Variants in TBX20 observed in about 807,000 individuals in gnomAD.
TBX20 encodes the protein T-box transcription factor TBX20.
A neutral mutation model predicts 42.9 loss-of-function variants in TBX20; 8 were observed. That is an observed-to-expected ratio of 0.19 (90% CI 0.11 to 0.34). The LOEUF (loss-of-function observed/expected upper bound fraction) is 0.34. Ranked by LOEUF, TBX20 falls within the 10% of genes least tolerant of loss-of-function variation. The probability of loss-of-function intolerance (pLI) is 1.00; values close to 1 mark genes in which losing one functional copy is unlikely to be tolerated. For synonymous variants in TBX20, 198 were observed against 222.8 expected (o/e 0.89, Z 0.99); for missense variants, 411 against 566.0 (o/e 0.73, Z 2.78).
chr7:35,204,115 T>C (rs1186993085), intron 7 of TBX20, among the ~76,000 whole-genome samples: 5 of 152,212 alleles, frequency 3.3e-5, no homozygotes, highest in Admixed American at 3.3e-4. Context: ...ACTTTCAGAT[T>C]ATGAAACTGA....
chr7:35,245,319 G>GCTGTGTGTGTGT (rs3219698), intron 3 of TBX20, among the ~76,000 whole-genome samples: 1 of 146,398 alleles, frequency 6.8e-6, no homozygotes, highest in Admixed American at 6.8e-5. Context: ...TGTTTAAAGG[G>GCTGTGTGTGTGT]GTGTGTGTGT....
At position 35,249,397 on chromosome 7, in the gene TBX20, T is replaced by C. The variant is rs1790260688; in HGVS notation, c.380+554A>G. 6.6e-6 allele frequency among the ~76,000 whole-genome samples: 1 copy of C among 152,256 alleles called. No individual in the cohort carries two copies. Among genetic ancestry groups the C allele is most frequent in the African/African-American group, 2.4e-5 (1 of 41,480 alleles). On this transcript the variant is annotated intron_variant, in intron 2 of 7. Transcript: ENST00000408931. This position sits in a 1 kb window ranked among gnomAD's most constrained non-coding sequence, Gnocchi z 4.3. The stretch of plus-strand genomic sequence containing the variant: ...ACCTCCCTGCAGCCCTGCAGCTTCC[T>C]GCCTGGCCAAAGCCCGCCCGGCTCT...
intron 6 of TBX20, among the ~76,000 whole-genome samples, chr7:35,214,544 T>A (rs1433122982): frequency 1.3e-5 from 2 of 152,176 alleles, no homozygotes; most frequent in Admixed American, 6.5e-5. Context: ...GGACCCTAAT[T>A]AATTTACCAG....
Position 35,254,092 on chromosome 7 carries a change from A to AC in TBX20, c.-473dup, listed in dbSNP as rs1488662785. On this transcript the variant is annotated 5_prime_UTR_variant, in exon 1 of 8. Coordinates refer to ENST00000408931, the MANE Select transcript of TBX20 (RefSeq NM_001077653.2). The stretch of plus-strand genomic sequence containing the variant: ...TGGGGAGCGCGGCGCGGAACTACGG[A>AC]CAGTGAGCCCTGGCGCTCGCTGCCC... 2.0e-5 allele frequency: 3 copies of AC among 153,080 alleles called. No homozygotes were observed. The highest frequency in any genetic ancestry group is 7.2e-5 in the African/African-American group (3 of 41,472). 9.5% of individuals were successfully genotyped at this position (153,080 alleles called of 1,614,324 possible).
chr7:35,247,927 A>G (rs1212184001), intron 3 of TBX20, among the ~76,000 whole-genome samples: 1 of 152,188 alleles, frequency 6.6e-6, no homozygotes, highest in Non-Finnish European at 1.5e-5. Context: ...TTTTCCTGTT[A>G]GAACTCTCAT....
intron 3 of TBX20, among the ~76,000 whole-genome samples, chr7:35,248,107 C>T (rs1435409630): frequency 6.6e-6 from 1 of 152,080 alleles, no homozygotes; most frequent in African/African-American, 2.4e-5. Flanking sequence ...TTACATTCAT[C>T]CACTAAAATT....
chr7:35,251,982 G>A (rs1790314015), intron 1 of TBX20, among the ~76,000 whole-genome samples: 1 of 152,152 alleles, frequency 6.6e-6, no homozygotes, highest in South Asian at 2.1e-4. Flanking sequence ...ATGGGGGTAG[G>A]GTTGGAGTTG....
At chr7:35,225,319 A>C (rs1296938301) in intron 6 of TBX20, among the ~76,000 whole-genome samples, 3 of 152,252 alleles carry the variant, frequency 2.0e-5, no homozygotes, top group Admixed American at 1.3e-4. Context: ...CATTAAAAAA[A>C]ATACAAAAAT....
rs1186500397 is a variant in TBX20 at position 35,249,953 on chromosome 7, G to T, written c.378C>A (p.Gly126=). ...LGTEMIITKS[G]RRMFPTIRVS... ...CCCAACCCCCAAGTCCCAACTACCT[G>T]CCCGACTTGGTGATGATCATCTCGG... Residue 126 remains glycine, a splice_region_variant and synonymous_variant, in exon 2 of 8, where the codon GGC becomes GGA. Coordinates refer to ENST00000408931, the MANE Select transcript of TBX20 (RefSeq NM_001077653.2). This position sits in a 1 kb window ranked among gnomAD's most constrained non-coding sequence, Gnocchi z 4.3. The T allele has an allele frequency of 1.9e-6, 3 of 1,600,550 alleles. No individual in the cohort carries two copies. The highest frequency in any genetic ancestry group is 3.4e-5 in the Admixed American group (2 of 59,412).
intron 6 of TBX20, among the ~76,000 whole-genome samples, chr7:35,224,145 G>A (rs1256141328): frequency 6.6e-6 from 1 of 152,116 alleles, no homozygotes. Flanking sequence ...GTGAATTTAT[G>A]GACAAGATTG....
intron 7 of TBX20, among the ~76,000 whole-genome samples, chr7:35,204,077 G>A (rs1163303740): frequency 6.6e-6 from 1 of 152,138 alleles, no homozygotes; most frequent in Admixed American, 6.5e-5. Context: ...AATTATACCT[G>A]ACATAGATGG....
chr7:35,248,607 T>C, intron 3 of TBX20, 70 bp downstream of exon 3: 1 of 1,556,604 alleles, frequency 6.4e-7, no homozygotes, highest in African/African-American at 1.4e-5. Flanking sequence ...TGCTTAAAAT[T>C]CACACAAGCC....
intron 6 of TBX20, among the ~76,000 whole-genome samples, chr7:35,208,742 CAAAAAAAAAAAAAAAAAAAAAAAAAAAA>C (rs766060288): frequency 4.7e-5 from 1 of 21,118 alleles, no homozygotes; most frequent in African/African-American, 2.3e-4. Context: ...AACTCCGTCT[CAAAAAAAAAAAAAAAAAAAAAAAAAAAA>C]AAAAAAAAAA....
At chr7:35,230,334 G>A (rs904106984) in intron 6 of TBX20, among the ~76,000 whole-genome samples, 2 of 152,148 alleles carry the variant, frequency 1.3e-5, no homozygotes, top group Admixed American at 6.5e-5. Context: ...ACTTTGCAAT[G>A]GATTTTCAAT....
chr7:35,249,862 C>G lies in TBX20; in HGVS notation c.380+89G>C, dbSNP rs917424284. The stretch of plus-strand genomic sequence containing the variant: ...GTCTCTCCGCTCCATGACCAGCCAG[C>G]TCTCATCTAGTTCCTGGAAGCACCC... On this transcript the variant is annotated intron_variant, in intron 2 of 7. Transcript: ENST00000408931. The surrounding 1 kb of genome is among the most constrained non-coding windows in gnomAD (Gnocchi z 4.3). The G allele has an allele frequency of 2.2e-5, 32 of 1,438,988 alleles. No individual in the cohort carries two copies. Among genetic ancestry groups the G allele is most frequent in the Admixed American group, 1.1e-4 (5 of 47,342 alleles). The allele number at this position is 1,438,988 out of a possible 1,614,324, so 89.1% of individuals were successfully genotyped here.
chr7:35,230,663 C>T (rs1420360754), intron 6 of TBX20, among the ~76,000 whole-genome samples: 1 of 152,102 alleles, frequency 6.6e-6, no homozygotes, highest in Non-Finnish European at 1.5e-5. Flanking sequence ...ATATAGGTAA[C>T]AAAGAGTGCA....
At chr7:35,238,270 C>T (rs1312511022) in intron 5 of TBX20, among the ~76,000 whole-genome samples, 2 of 152,160 alleles carry the variant, frequency 1.3e-5, no homozygotes, top group Non-Finnish European at 2.9e-5. Flanking sequence ...GTCCCGCCAA[C>T]ACTTACGCAG....
rs1297571991 is a variant in TBX20, at chr7:35,250,069, T to C, written c.262A>G (p.Thr88Ala). 6.2e-7 allele frequency: 1 copy of C among 1,613,728 alleles called. No individual in the cohort carries two copies. Among genetic ancestry groups the C allele is most frequent in the African/African-American group, 1.3e-5 (1 of 74,832 alleles). The change falls in exon 2 of 8, where the codon ACC becomes GCC. Residue 88 changes from threonine (T) to alanine (A), a missense_variant. Physicochemically the swap from Thr to Ala is moderately conservative, Grantham distance 58. Around this residue, in one of 5 missense-constraint regions of TBX20, gnomAD observed 114 missense variants for 128.0 expected, o/e 0.89. Coordinates refer to ENST00000408931, the MANE Select transcript of TBX20 (RefSeq NM_001077653.2). ...TCCTCACTGGGGATGATGGGGGTGG[T>C]GGGGATCAGTGGCTCAGTGCACAGA... Reference protein sequence around the residue: ...SSLCTEPLIPTTPIIPSEEMA... With the variant: ...SSLCTEPLIPATPIIPSEEMA...
intron 5 of TBX20, among the ~76,000 whole-genome samples, chr7:35,239,605 C>T (rs913976877): frequency 8.5e-5 from 13 of 152,248 alleles, no homozygotes; most frequent in Admixed American, 7.2e-4. Context: ...ACTGCCACAG[C>T]CCCTTAAGCT....
Sources: allele counts gnomAD v4.1 joint callset (sites outside exome capture counted in the v4.1 genomes callset), GRCh38; gene constraint gnomAD v4.1.1; regional missense constraint gnomAD v4.1.1; non-coding constraint Gnocchi (gnomAD v3.1); transcripts MANE v1.5; gene names NCBI Gene and HGNC (gene_info 2026-07-23, HGNC 2026-07-21).